The following SLC24A3 variants were observed in gnomAD, a reference collection of about 807,000 sequenced individuals.
SLC24A3 encodes sodium/potassium/calcium exchanger 3.
A neutral mutation model predicts 75.8 loss-of-function variants in SLC24A3; 28 were observed. The ratio of observed to expected loss-of-function variants is 0.37; its 90% CI spans 0.27 to 0.51. The LOEUF (loss-of-function observed/expected upper bound fraction) is 0.51. SLC24A3 is among the 20% of genes least tolerant of loss of function. The pLI is 0.94. For synonymous variants in SLC24A3, 372 were observed against 334.1 expected (o/e 1.11, Z -1.24); for missense variants, 663 against 847.8 (o/e 0.78, Z 2.71).
At chr20:19,270,377 G>A (rs1983291135) in intron 1 of SLC24A3, among the ~76,000 whole-genome samples, 1 of 152,110 alleles carries the variant, frequency 6.6e-6, no homozygotes, top group Admixed American at 6.5e-5. Flanking sequence ...TTTAGAGTTT[G>A]AGACATATCT....
chr20:19,417,824 A>G (rs1986852908), intron 2 of SLC24A3, among the ~76,000 whole-genome samples: 2 of 152,160 alleles, frequency 1.3e-5, no homozygotes. Context: ...TCACATTACA[A>G]TAGTGGGAGT....
chr20:19,345,400 AT>A (rs1221561205), intron 2 of SLC24A3, among the ~76,000 whole-genome samples: 1 of 152,222 alleles, frequency 6.6e-6, no homozygotes, highest in East Asian at 1.9e-4. Flanking sequence ...CCACAAAGTG[AT>A]TTCTAAAGTT....
intron 2 of SLC24A3, among the ~76,000 whole-genome samples, chr20:19,481,392 A>C (rs1988051467): frequency 6.6e-6 from 1 of 152,160 alleles, no homozygotes; most frequent in Admixed American, 6.5e-5. Flanking sequence ...TAGAAAAGGA[A>C]ATTGAGGCAT....
chr20:19,312,983 C>T (rs1484557282), intron 2 of SLC24A3, among the ~76,000 whole-genome samples: 2 of 144,812 alleles, frequency 1.4e-5, no homozygotes, highest in Admixed American at 6.9e-5. Context: ...TGAGGGAAAA[C>T]AGAAATGTTC....
chr20:19,710,685 G>A (rs1190263398), intron 15 of SLC24A3, among the ~76,000 whole-genome samples: 3 of 152,178 alleles, frequency 2.0e-5, no homozygotes, highest in Non-Finnish European at 2.9e-5. Flanking sequence ...GGTCATTCAC[G>A]GATGAGAAGG....
chr20:19,639,582 C>G (rs373717878), intron 6 of SLC24A3, among the ~76,000 whole-genome samples: 1 of 152,270 alleles, frequency 6.6e-6, no homozygotes, highest in East Asian at 1.9e-4. Context: ...GGATCCCGCA[C>G]TGGGGCTGCA....
At position 19,592,877 on chromosome 20, in the gene SLC24A3, C is replaced by T. The variant is rs193054865; in HGVS notation, c.612+7333C>T. Among the ~76,000 whole-genome samples, 20 of 144,844 alleles carry T rather than the reference C, an allele frequency of 1.4e-4. No individual in the cohort carries two copies. The East Asian group carries it at 3.7e-3, about 27-fold the overall frequency. ...GTGGCACGATCTTGGCTCACTACAA[C>T]CTCCACCTCCCAAGTTTAAGCGATT... is the stretch of plus-strand genomic sequence containing the variant. On this transcript the variant is annotated intron_variant, in intron 6 of 16. Transcript: ENST00000328041.
At chr20:19,337,254 G>C (rs1019794737) in intron 2 of SLC24A3, among the ~76,000 whole-genome samples, 34 of 152,168 alleles carry the variant, frequency 2.2e-4, no homozygotes, top group Admixed American at 5.9e-4. Flanking sequence ...AGACCAGCCT[G>C]ACCAAAATGG....
chr20:19,309,775 T>G (rs546547227), intron 2 of SLC24A3, among the ~76,000 whole-genome samples: 6 of 152,272 alleles, frequency 3.9e-5, no homozygotes, highest in African/African-American at 1.2e-4. Context: ...GGCCCTTTAT[T>G]GTTCATTTCT....
At chr20:19,477,156 T>A (rs1039866622) in intron 2 of SLC24A3, among the ~76,000 whole-genome samples, 1 of 152,022 alleles carries the variant, frequency 6.6e-6, no homozygotes, top group African/African-American at 2.4e-5. Flanking sequence ...TCCTTCTTTA[T>A]AATGGATCCA....
At chr20:19,442,266 G>T (rs1410037620) in intron 2 of SLC24A3, among the ~76,000 whole-genome samples, 1 of 152,144 alleles carries the variant, frequency 6.6e-6, no homozygotes, top group Non-Finnish European at 1.5e-5. Flanking sequence ...AGTATGCCTA[G>T]TTTTGTAATA....
At chr20:19,639,601 T>C (rs1177359430) in intron 6 of SLC24A3, among the ~76,000 whole-genome samples, 1 of 152,174 alleles carries the variant, frequency 6.6e-6, no homozygotes, top group Non-Finnish European at 1.5e-5. Flanking sequence ...CAGGTGGAGG[T>C]GCCTGCCAGT....
At chr20:19,261,800 G>A (rs1336488153) in intron 1 of SLC24A3, 1 of 152,198 alleles carries the variant, frequency 6.6e-6, no homozygotes, top group African/African-American at 2.4e-5. Flanking sequence ...ACCAAAGTCT[G>A]GTGTTTCTCA....
At chr20:19,230,950 A>AC (rs1357527226) in intron 1 of SLC24A3, among the ~76,000 whole-genome samples, 2 of 152,216 alleles carry the variant, frequency 1.3e-5, no homozygotes, top group Non-Finnish European at 2.9e-5. Flanking sequence ...TACAAAGAAA[A>AC]AGAAATTGGG....
intron 2 of SLC24A3, among the ~76,000 whole-genome samples, chr20:19,383,085 T>G (rs1470806157): frequency 6.6e-6 from 1 of 152,210 alleles, no homozygotes; most frequent in Non-Finnish European, 1.5e-5. Context: ...CTAATTGGAA[T>G]GAATTGATTT....
At chr20:19,235,447 A>G (rs143552687) in intron 1 of SLC24A3, among the ~76,000 whole-genome samples, 45 of 152,208 alleles carry the variant, frequency 3.0e-4, no homozygotes, top group Admixed American at 2.7e-3. Context: ...TACCTCCTAC[A>G]CTAGGGTCCC....
At position 19,615,160 on chromosome 20, in the gene SLC24A3, G is replaced by T. The variant is rs188712225; in HGVS notation, c.612+29616G>T. Among the ~76,000 whole-genome samples the T allele has an allele frequency of 5.9e-3, 893 of 152,222 alleles. 4 individuals carry two copies. The highest frequency in any genetic ancestry group is 9.1e-3 in the Non-Finnish European group (619 of 68,014). On this transcript the variant is annotated intron_variant, in intron 6 of 16. Coordinates refer to ENST00000328041, the MANE Select transcript of SLC24A3 (RefSeq NM_020689.4). ...TTCTTATGTTTTTGGTGGGGGAAGA[G>T]GAGAGTCATTTAAAAATATATATAT...
At chr20:19,486,225 G>C (rs561186883) in intron 2 of SLC24A3, among the ~76,000 whole-genome samples, 45 of 152,248 alleles carry the variant, frequency 3.0e-4, no homozygotes, top group Middle Eastern at 3.4e-3. Context: ...ATAAAGACTA[G>C]AAATAAGTAT....
At chr20:19,389,710 G>A (rs1457789407) in intron 2 of SLC24A3, among the ~76,000 whole-genome samples, 2 of 152,214 alleles carry the variant, frequency 1.3e-5, no homozygotes, top group East Asian at 1.9e-4. Context: ...TCTCAATGAA[G>A]ATCTCTTTAT....
Sources: allele counts gnomAD v4.1 joint callset (sites outside exome capture counted in the v4.1 genomes callset), GRCh38; gene constraint gnomAD v4.1.1; transcripts MANE v1.5; gene names NCBI Gene and HGNC (gene_info 2026-07-23, HGNC 2026-07-21).